TBC1D22A: variants seen among roughly 807,000 people sequenced by gnomAD.
TBC1D22A encodes putative GTPase activator.
Under a neutral mutation model 60.2 loss-of-function variants are expected in TBC1D22A, and 38 were observed. The observed-to-expected ratio is 0.63, with a 90% CI of 0.49 to 0.83. The LOEUF (loss-of-function observed/expected upper bound fraction) is 0.83, where lower values mean the gene tolerates loss of function less well. Among genes scored for constraint, TBC1D22A ranks in the 40% least tolerant of loss-of-function variants. The pLI is 0.00. For synonymous variants in TBC1D22A, 302 were observed against 281.7 expected (o/e 1.07, Z -0.72); for missense variants, 628 against 701.0 (o/e 0.90, Z 1.18).
intron 12 of TBC1D22A, among the ~76,000 whole-genome samples, chr22:47,162,807 T>TGCGGACCCA (rs1175069795): frequency 1.1e-3 from 114 of 103,262 alleles, no homozygotes; most frequent in African/African-American, 4.7e-3. Flanking sequence ...GGAGTGGGAC[T>TGCGGACCCA]GTGGACCCGG....
chr22:47,146,155 G>A (rs1361097880), intron 12 of TBC1D22A, among the ~76,000 whole-genome samples: 1 of 144,738 alleles, frequency 6.9e-6, no homozygotes, highest in East Asian at 1.9e-4. Context: ...CTTAAAACAG[G>A]GGTTGACTGG....
chr22:47,108,390 G>A (rs528778504), intron 11 of TBC1D22A, among the ~76,000 whole-genome samples: 2 of 152,318 alleles, frequency 1.3e-5, no homozygotes, highest in Admixed American at 6.5e-5. Context: ...CTATTCGTCC[G>A]TGCAGTGTCA....
intron 7 of TBC1D22A, among the ~76,000 whole-genome samples, chr22:46,904,874 G>A (rs1462531029): frequency 2.7e-5 from 4 of 149,344 alleles, no homozygotes; most frequent in Admixed American, 1.3e-4. Flanking sequence ...TCCCGGGTTC[G>A]CGCCATTCTT....
At position 46,826,819 on chromosome 22, in the gene TBC1D22A, G is replaced by C. The variant is rs1227170013; in HGVS notation, c.637+29199G>C. 3.3e-5 allele frequency among the ~76,000 whole-genome samples: 5 copies of C among 152,216 alleles called. No homozygotes were observed. In the East Asian group the frequency reaches 7.7e-4, roughly 23 times the overall value. On this transcript the variant is annotated intron_variant, in intron 4 of 12. Transcript: ENST00000337137. ...CGCAGCAGAGTCAGGATTTGAACCT[G>C]GGCAGACGCTTGCCCCATCCAGAGT... is the stretch of plus-strand genomic sequence containing the variant.
intron 4 of TBC1D22A, among the ~76,000 whole-genome samples, chr22:46,854,262 C>CT (rs1159203463): frequency 1.3e-5 from 2 of 152,182 alleles, no homozygotes. Context: ...CCTGAGTTTC[C>CT]TTTCCTCATT....
At chr22:46,999,412 ACTGT>A (rs1458368505) in intron 10 of TBC1D22A, among the ~76,000 whole-genome samples, 5 of 152,172 alleles carry the variant, frequency 3.3e-5, no homozygotes, top group African/African-American at 1.2e-4. Flanking sequence ...GAGAGGTTAA[ACTGT>A]CTAACTTGTT....
At chr22:46,878,339 T>TGAGAGGGAGAGAGAGAAGGAGGTGAGA (rs2067671260) in intron 4 of TBC1D22A, among the ~76,000 whole-genome samples, 1 of 144,752 alleles carries the variant, frequency 6.9e-6, no homozygotes, top group African/African-American at 2.6e-5. Context: ...GAGAAGGAGG[T>TGAGAGGGAGAGAGAGAAGGAGGTGAGA]GGGAGGGAAG....
chr22:46,874,562 CTTTTTTTTTTTT>C lies in TBC1D22A; in HGVS notation c.638-4072_638-4061del, dbSNP rs747481407. 8.1e-4 allele frequency among the ~76,000 whole-genome samples: 33 copies of C among 40,788 alleles called. 1 individual carries two copies. The highest frequency in any genetic ancestry group is 0.033 in the Middle Eastern group (1 of 30). 26.8% of individuals were successfully genotyped at this position (40,788 alleles called of 152,430 possible). A position where few individuals can be genotyped will look rare whatever the true frequency, so the allele number is the denominator to read the frequency against. On this transcript the variant is annotated intron_variant, in intron 4 of 12. Transcript: ENST00000337137. ...TATGTTTGTTTGGCTACAGGTATGT[CTTTTTTTTTTTT>C]TTTTTTTTTTTTTTTTTTGAGACAA...
At position 47,096,865 on chromosome 22, in the gene TBC1D22A, G is replaced by T. The variant is rs559421395; in HGVS notation, c.1330-14643G>T. On this transcript the variant is annotated intron_variant, in intron 11 of 12. Transcript: ENST00000337137. Reference sequence around the variant, plus strand: ...TAAATAAATAAAGTATATCCTTTGTGTCCTGAAGTGTTGTTTTTAGGCGCC... The same window carrying T: ...TAAATAAATAAAGTATATCCTTTGTTTCCTGAAGTGTTGTTTTTAGGCGCC... 2.0e-5 allele frequency among the ~76,000 whole-genome samples: 3 copies of T among 152,328 alleles called. No homozygotes were observed. The South Asian group carries it at 6.2e-4, about 32-fold the overall frequency.
chr22:46,858,859 G>A (rs1333890247), intron 4 of TBC1D22A, among the ~76,000 whole-genome samples: 1 of 152,210 alleles, frequency 6.6e-6, no homozygotes, highest in Non-Finnish European at 1.5e-5. Flanking sequence ...AAAAATAAAA[G>A]AATTCTATGT....
At chr22:46,983,695 G>GTTT (rs556363610) in intron 9 of TBC1D22A, among the ~76,000 whole-genome samples, 1 of 142,788 alleles carries the variant, frequency 7.0e-6, no homozygotes, top group Non-Finnish European at 1.5e-5. Flanking sequence ...AGAAGACCAG[G>GTTT]TTTTTTTTTT....
chr22:46,906,496 C>T (rs1291109879), intron 7 of TBC1D22A, among the ~76,000 whole-genome samples: 7 of 152,208 alleles, frequency 4.6e-5, no homozygotes, highest in South Asian at 2.1e-4. Flanking sequence ...GCAGGAAAGA[C>T]GCTCAGGCCT....
chr22:47,077,861 C>T (rs553046212), intron 11 of TBC1D22A, among the ~76,000 whole-genome samples: 3 of 152,256 alleles, frequency 2.0e-5, no homozygotes, highest in Admixed American at 6.5e-5. Context: ...AATGCCTGTG[C>T]GCCATGATTT....
At chr22:47,042,090 A>G (rs1489980887) in intron 11 of TBC1D22A, among the ~76,000 whole-genome samples, 1 of 152,260 alleles carries the variant, frequency 6.6e-6, no homozygotes, top group Non-Finnish European at 1.5e-5. Flanking sequence ...TTTTTATAGA[A>G]GATGGAACTG....
At chr22:46,852,089 G>T (rs2087307956) in intron 4 of TBC1D22A, among the ~76,000 whole-genome samples, 1 of 152,192 alleles carries the variant, frequency 6.6e-6, no homozygotes, top group Admixed American at 6.5e-5. Flanking sequence ...CAGCTCTGGT[G>T]GTTTCTGGGA....
Position 47,111,512 on chromosome 22 carries a change from A to T in TBC1D22A, c.1334A>T (p.Glu445Val). The T allele has an allele frequency of 6.2e-7, 1 of 1,613,862 alleles. No homozygotes were observed. Among genetic ancestry groups the T allele is most frequent in the Non-Finnish European group, 8.5e-7 (1 of 1,179,936 alleles). The stretch of plus-strand genomic sequence containing the variant: ...TGGTTATTTTTTCTCTTTTAGTCTG[A>T]ACCGGACGGCTTTTCTCATTTCCAC... ...TIRLWDTYQS[E>V]PDGFSHFHLY... is the part of the protein sequence containing the mutation. The change falls in exon 12 of 13, where the codon GAA becomes GTA. Residue 445 changes from glutamate to valine, a missense_variant. By Grantham distance (121) the Glu-to-Val change is moderately radical. Transcript: ENST00000337137.
chr22:47,115,668 G>A (rs952440319), intron 12 of TBC1D22A, among the ~76,000 whole-genome samples: 6 of 152,138 alleles, frequency 3.9e-5, no homozygotes, highest in Admixed American at 6.5e-5. Flanking sequence ...CTTGGGATCC[G>A]CTGTCCCCTC....
chr22:46,991,189 C>T (rs941284792), intron 9 of TBC1D22A, among the ~76,000 whole-genome samples: 1 of 152,162 alleles, frequency 6.6e-6, no homozygotes, highest in Non-Finnish European at 1.5e-5. Flanking sequence ...GAGAAATGAA[C>T]CTGGCAGGTA....
At chr22:46,795,336 A>G (rs1333009377) in intron 3 of TBC1D22A, among the ~76,000 whole-genome samples, 1 of 152,182 alleles carries the variant, frequency 6.6e-6, no homozygotes, top group Non-Finnish European at 1.5e-5. Flanking sequence ...CCCTACCCCC[A>G]AGATGCAGGG....
Sources: allele counts gnomAD v4.1 joint callset (sites outside exome capture counted in the v4.1 genomes callset), GRCh38; gene constraint gnomAD v4.1.1; transcripts MANE v1.5; gene names NCBI Gene and HGNC (gene_info 2026-07-23, HGNC 2026-07-21).